C7orf78: variants seen among roughly 807,000 people sequenced by gnomAD.
C7orf78 encodes chromosome 7 open reading frame 78, also known as putative uncharacterized protein C7orf78.
chr7:12,534,671 G>A, the C7orf78 span, among the ~76,000 whole-genome samples: 1 of 152,120 alleles, frequency 6.6e-6, no homozygotes, highest in Non-Finnish European at 1.5e-5. Context: ...AAAATAACAG[G>A]AGGCTGGGCA....
chr7:12,524,899 A>G, the C7orf78 span, among the ~76,000 whole-genome samples: 3 of 152,174 alleles, frequency 2.0e-5, no homozygotes, highest in Non-Finnish European at 2.9e-5. Flanking sequence ...AATTCACGGA[A>G]TAAGGAATAT....
chr7:12,534,039 G>T, the C7orf78 span, among the ~76,000 whole-genome samples: 27 of 152,034 alleles, frequency 1.8e-4, no homozygotes, highest in Non-Finnish European at 3.4e-4. Flanking sequence ...ACAAATATTT[G>T]ATATATTTAG....
At chr7:12,510,971 G>A in the C7orf78 span, among the ~76,000 whole-genome samples, 20 of 152,112 alleles carry the variant, frequency 1.3e-4, no homozygotes, top group African/African-American at 4.3e-4. Context: ...CTAAACCAAT[G>A]TCCTGAGGAG....
At chr7:12,510,773 C>A in the C7orf78 span, among the ~76,000 whole-genome samples, 21 of 152,078 alleles carry the variant, frequency 1.4e-4, no homozygotes, top group African/African-American at 3.9e-4. Context: ...TGTTTAAGTT[C>A]CTTGTATATG....
the C7orf78 span, among the ~76,000 whole-genome samples, chr7:12,537,043 C>G: frequency 6.6e-6 from 1 of 152,192 alleles, no homozygotes; most frequent in Non-Finnish European, 1.5e-5. Flanking sequence ...GTCTGTTACC[C>G]AGTTCCAAAG....
chr7:12,510,133 ATTGGTGGATACAGCTTGATTTTATATCT>A, the C7orf78 span, among the ~76,000 whole-genome samples: 1 of 149,678 alleles, frequency 6.7e-6, no homozygotes, highest in Admixed American at 6.7e-5. Context: ...CCAGTGTTCA[ATTGGTGGATACAGCTTGATTTTATATCT>A]TTGCTAATTT....
chr7:12,522,212 C>T, the C7orf78 span, among the ~76,000 whole-genome samples: 1 of 152,064 alleles, frequency 6.6e-6, no homozygotes, highest in Middle Eastern at 3.4e-3. Flanking sequence ...TCCTTATTTC[C>T]CAGGAACCAG....
chr7:12,529,392 C>T, the C7orf78 span, among the ~76,000 whole-genome samples: 4 of 152,050 alleles, frequency 2.6e-5, no homozygotes, highest in African/African-American at 7.3e-5. Context: ...TTTATAATGT[C>T]GGTTAGTAAT....
the C7orf78 span, chr7:12,504,291 G>A: frequency 1.3e-5 from 2 of 152,138 alleles, no homozygotes; most frequent in African/African-American, 4.8e-5. Flanking sequence ...AAAAGCATGA[G>A]AGTTATTGCT....
the C7orf78 span, among the ~76,000 whole-genome samples, chr7:12,488,056 T>G: frequency 6.6e-6 from 1 of 152,098 alleles, no homozygotes; most frequent in Non-Finnish European, 1.5e-5. Context: ...ATGCCAATTC[T>G]CAAGTATCAT....
chr7:12,490,528 G>A, the C7orf78 span, among the ~76,000 whole-genome samples: 1 of 152,076 alleles, frequency 6.6e-6, no homozygotes, highest in Admixed American at 6.6e-5. Context: ...TGATTTTCAA[G>A]TCTGGAAAGG....
chr7:12,527,072 C>T, the C7orf78 span, among the ~76,000 whole-genome samples: 9 of 141,898 alleles, frequency 6.3e-5, no homozygotes, highest in African/African-American at 2.5e-4. Flanking sequence ...TGCCACCTAG[C>T]TGTGTAATTG....
the C7orf78 span, chr7:12,506,706 G>T: frequency 1.7e-5 from 4 of 232,862 alleles, no homozygotes; most frequent in South Asian, 4.5e-5. Context: ...CGAGTTGATA[G>T]GTACAGCAAA....
the C7orf78 span, among the ~76,000 whole-genome samples, chr7:12,499,152 G>A: frequency 6.6e-6 from 1 of 152,154 alleles, no homozygotes; most frequent in East Asian, 1.9e-4. Context: ...AACAACCATA[G>A]AGACTAGGAA....
At chr7:12,510,997 T>A in the C7orf78 span, among the ~76,000 whole-genome samples, 1 of 152,172 alleles carries the variant, frequency 6.6e-6, no homozygotes, top group Non-Finnish European at 1.5e-5. Flanking sequence ...CCTGTGTTTT[T>A]TGTAGTAGTT....
chr7:12,526,009 C>T, the C7orf78 span: 2 of 388,496 alleles, frequency 5.1e-6, no homozygotes, highest in Non-Finnish European at 9.1e-6. Flanking sequence ...TTTATTATCA[C>T]CTTTAATAAT....
chr7:12,515,575 A>G, the C7orf78 span, among the ~76,000 whole-genome samples: 1 of 152,128 alleles, frequency 6.6e-6, no homozygotes, highest in African/African-American at 2.4e-5. Flanking sequence ...AGAGGCTGGA[A>G]CGGTTTGGAG....
the C7orf78 span, among the ~76,000 whole-genome samples, chr7:12,513,877 G>A: frequency 1.3e-5 from 2 of 152,098 alleles, no homozygotes; most frequent in Non-Finnish European, 2.9e-5. Context: ...GTGGGTGCCT[G>A]TAGTCCCAGC....
chr7:12,497,713 G>C, the C7orf78 span, among the ~76,000 whole-genome samples: 2 of 151,892 alleles, frequency 1.3e-5, no homozygotes, highest in African/African-American at 2.4e-5. Context: ...TGGGAAGCTC[G>C]AACTGGGTGG....
Sources: allele counts gnomAD v4.1 joint callset (sites outside exome capture counted in the v4.1 genomes callset), GRCh38; gene constraint gnomAD v4.1.1; transcripts MANE v1.5; gene names NCBI Gene and HGNC (gene_info 2026-07-23, HGNC 2026-07-21).